The following SLC45A1 variants were observed in gnomAD, a reference collection of about 807,000 sequenced individuals.
SLC45A1 encodes the protein solute carrier family 45 member 1, also known as proton-associated sugar transporter A.
SLC45A1 carries 28 observed loss-of-function variants against 57.6 expected under a neutral mutation model. The observed-to-expected ratio is 0.49, with a 90% confidence interval of 0.36 to 0.67. The LOEUF is 0.67. Ranked by LOEUF, SLC45A1 falls within the 30% of genes least tolerant of loss-of-function variation. SLC45A1 has a pLI of 0.00. For synonymous variants in SLC45A1, 459 were observed against 471.5 expected (o/e 0.97, Z 0.34); for missense variants, 814 against 1,041.5 (o/e 0.78, Z 3.01).
intron 5 of SLC45A1, 68 bp downstream of exon 5, chr1:8,331,004 T>G: frequency 6.7e-7 from 1 of 1,499,780 alleles, no homozygotes; most frequent in Non-Finnish European, 8.9e-7. Context: ...GTCAGTTACA[T>G]GACAAAGAGG....
At chr1:8,342,128 A>AC (rs1640843673) in intron 8 of SLC45A1, among the ~76,000 whole-genome samples, 1 of 151,978 alleles carries the variant, frequency 6.6e-6, no homozygotes, top group African/African-American at 2.4e-5. Context: ...AATGGCGTGA[A>AC]CCCGGGAGGC....
intron 2 of SLC45A1, among the ~76,000 whole-genome samples, chr1:8,324,944 G>A (rs72635798): frequency 0.14 from 21,337 of 152,134 alleles, 1,797 homozygotes; most frequent in South Asian, 0.29. Context: ...GCAGCTCCCC[G>A]AGGGCTGACA....
Position 8,343,095 on chromosome 1 carries a change from C to T in SLC45A1, c.1981-652C>T, listed in dbSNP as rs72636907. 0.091 allele frequency among the ~76,000 whole-genome samples: 13,799 copies of T among 152,158 alleles called. 865 individuals are homozygous for T. The highest frequency in any genetic ancestry group is 0.15 in the South Asian group (745 of 4,822). ...CACAGCCCTTCTGATGGGGGGAAGC[C>T]GCAGGGGAGGCCCAGGCTCCCAGGT... On this transcript the variant is annotated intron_variant, in intron 8 of 8. Coordinates refer to ENST00000471889, the MANE Select transcript of SLC45A1 (RefSeq NM_001080397.3). The surrounding 1 kb of genome is among the most constrained non-coding windows in gnomAD (Gnocchi z 7.7).
intron 1 of SLC45A1, among the ~76,000 whole-genome samples, chr1:8,321,009 A>C (rs1639996192): frequency 6.6e-6 from 1 of 151,806 alleles, no homozygotes; most frequent in South Asian, 2.1e-4. Context: ...CTCGCCTCTG[A>C]CTCTGAAGGA....
Position 8,325,804 on chromosome 1 carries a change from TTC to T in SLC45A1, c.491-10_491-9del. ...CTGCATTTTCTTGGGGTGACTTTGT[TTC>T]TCTGTGTCCAGGGGCACTGCTGGGC... On this transcript the variant is annotated splice_polypyrimidine_tract_variant and intron_variant, in intron 3 of 8. Coordinates refer to ENST00000471889, the MANE Select transcript of SLC45A1 (RefSeq NM_001080397.3). The surrounding 1 kb of genome is among the most constrained non-coding windows in gnomAD (Gnocchi z 6.3). 1.2e-6 allele frequency: 2 copies of T among 1,610,472 alleles called. No homozygotes were observed. Among genetic ancestry groups the T allele is most frequent in the Non-Finnish European group, 1.7e-6 (2 of 1,179,342 alleles).
In SLC45A1 at chr1:8,330,321, C is replaced by T. The variant is rs1412770653; in HGVS notation, c.828C>T (p.Thr276=). The T allele has an allele frequency of 1.2e-6, 2 of 1,613,514 alleles. No homozygotes were observed. The highest frequency in any genetic ancestry group is 1.3e-5 in the African/African-American group (1 of 74,866). Residue 276 remains threonine (T), a synonymous_variant, in exon 5 of 9, where the codon ACC becomes ACT. Coordinates refer to ENST00000471889, the MANE Select transcript of SLC45A1 (RefSeq NM_001080397.3). This position sits in a 1 kb window ranked among gnomAD's most constrained non-coding sequence, Gnocchi z 8.4. ...TCATTTACCTCTTCACTGCGGTCAC[C>T]CTGAGCGTCACCACCGTCCTGACCC... ...LRVIYLFTAV[T]LSVTTVLTLV... is the part of the protein sequence containing the mutation.
intron 1 of SLC45A1, among the ~76,000 whole-genome samples, chr1:8,319,631 T>C (rs183037264): frequency 6.6e-6 from 1 of 152,360 alleles, no homozygotes. Flanking sequence ...CGAATGTTTG[T>C]ATTTGTGCAT....
rs1204449631 is a variant in SLC45A1, at chr1:8,328,998, G to T, written c.716-1211G>T. On this transcript the variant is annotated intron_variant, in intron 4 of 8. Transcript: ENST00000471889. This position sits in a 1 kb window ranked among gnomAD's most constrained non-coding sequence, Gnocchi z 4.6. ...AATAAAATGCCTGGGAGGGCAGTGG[G>T]GAGGCAAAAAGACTCCCAAGTCTAG... 6.6e-6 allele frequency among the ~76,000 whole-genome samples: 1 copy of T among 152,136 alleles called. No individual in the cohort carries two copies. Among genetic ancestry groups the T allele is most frequent in the Non-Finnish European group, 1.5e-5 (1 of 68,020 alleles).
At chr1:8,322,013 G>GGATA (rs1640025658) in intron 1 of SLC45A1, among the ~76,000 whole-genome samples, 1 of 71,902 alleles carries the variant, frequency 1.4e-5, no homozygotes, top group African/African-American at 5.7e-5. Context: ...ATGGATGGAT[G>GGATA]GATGGATGGA....
chr1:8,322,169 G>A (rs201063439), intron 1 of SLC45A1, among the ~76,000 whole-genome samples: 1 of 143,736 alleles, frequency 7.0e-6, no homozygotes. Context: ...TTACATGGAT[G>A]GATGGGTGGG....
Position 8,339,644 on chromosome 1 carries a change from C to T in SLC45A1, c.1926C>T (p.Ser642=). 2 of 1,614,262 alleles carry T rather than the reference C, an allele frequency of 1.2e-6. No homozygotes were observed. Among genetic ancestry groups the T allele is most frequent in the Non-Finnish European group, 1.7e-6 (2 of 1,180,048 alleles). Residue 642 remains serine, a synonymous_variant, in exon 8 of 9, where the codon TCC becomes TCT. Transcript: ENST00000471889. Reference sequence around the variant, plus strand: ...GCATAACCTACGGGATTTTATTTTCCACCCTGTGCACCTTGCCTTACTCGC... The same window carrying T: ...GCATAACCTACGGGATTTTATTTTCTACCCTGTGCACCTTGCCTTACTCGC... ...SLCITYGILF[S]TLCTLPYSLL...
In SLC45A1 at chr1:8,325,947, C is replaced by T. The variant is rs147535403; in HGVS notation, c.620C>T (p.Ala207Val). 177 of 1,613,478 alleles carry T rather than the reference C, an allele frequency of 1.1e-4. 1 individual carries two copies. The highest frequency in any genetic ancestry group is 1.4e-4 in the Non-Finnish European group (171 of 1,180,034). The change falls in exon 4 of 9, where the codon GCC (alanine) becomes GTC (valine). Residue 207 changes from alanine (A) to valine (V), a missense_variant. By Grantham distance (64) the Ala-to-Val change is moderately conservative (BLOSUM62 0). Coordinates refer to ENST00000471889, the MANE Select transcript of SLC45A1 (RefSeq NM_001080397.3). The surrounding 1 kb of genome is among the most constrained non-coding windows in gnomAD (Gnocchi z 6.3). ...VCGVVLMDFS[A>V]DSADNPSHAY... is the part of the protein sequence containing the mutation. ...GGTGTGGTGCTGATGGACTTTAGCG[C>T]CGACTCGGCGGACAACCCCAGCCAC...
At chr1:8,318,704 A>ACAAT in intron 1 of SLC45A1, among the ~76,000 whole-genome samples, 1 of 152,304 alleles carries the variant, frequency 6.6e-6, no homozygotes, top group African/African-American at 2.4e-5. Flanking sequence ...TCTGCCCTCG[A>ACAAT]CAATCAGCAA....
rs759399480 is a variant in SLC45A1, at chr1:8,343,705, G to A, written c.1981-42G>A. ...CACCGAGCTCGGTCACCCCGTGCTG[G>A]CCGCGGCGTGTCTCGCTGACACGTT... On this transcript the variant is annotated intron_variant, in intron 8 of 8. Transcript: ENST00000471889. This position sits in a 1 kb window ranked among gnomAD's most constrained non-coding sequence, Gnocchi z 7.7. 12 of 1,578,074 alleles carry A rather than the reference G, an allele frequency of 7.6e-6. No homozygotes were observed. The highest frequency in any genetic ancestry group is 1.1e-5 in the South Asian group (1 of 87,586).
rs867201692 is a variant in SLC45A1 at position 8,318,146 on chromosome 1, A to G, written c.-65A>G. On this transcript the variant is annotated 5_prime_UTR_variant, in exon 1 of 9. Coordinates refer to ENST00000471889, the MANE Select transcript of SLC45A1 (RefSeq NM_001080397.3). ...CCGGGACCGCGGCCGGGCAGGCAGC[A>G]GCCCAGCGGGGACAGGGATGCCTGC... The G allele has an allele frequency of 3.5e-5, 16 of 452,954 alleles. No individual in the cohort carries two copies. The highest frequency in any genetic ancestry group is 3.1e-4 in the African/African-American group (15 of 48,984). 28.1% of individuals were successfully genotyped at this position (452,954 alleles called of 1,614,324 possible).
Position 8,339,514 on chromosome 1 carries a change from A to G in SLC45A1, c.1796A>G (p.Glu599Gly). Reference protein sequence around the residue: ...FYSAILEKLEEFLSVRTLYFI... With the variant: ...FYSAILEKLEGFLSVRTLYFI... ...GCAGCTATCCTGGAGAAGCTGGAGGAGTTCCTCAGCGTCCGCACCCTCTAC... is the reference window on the plus strand; with the variant it reads ...GCAGCTATCCTGGAGAAGCTGGAGGGGTTCCTCAGCGTCCGCACCCTCTAC... The change falls in exon 8 of 9, where the codon GAG (glutamate) becomes GGG (glycine). Residue 599 changes from glutamate (E) to glycine (G), a missense_variant. By Grantham distance (98) the Glu-to-Gly change is moderately conservative. Transcript: ENST00000471889. 6.2e-7 allele frequency: 1 copy of G among 1,614,084 alleles called. No individual in the cohort carries two copies. Among genetic ancestry groups the G allele is most frequent in the Non-Finnish European group, 8.5e-7 (1 of 1,180,002 alleles).
intron 8 of SLC45A1, among the ~76,000 whole-genome samples, chr1:8,342,332 G>A (rs1407105558): frequency 2.6e-5 from 4 of 152,306 alleles, no homozygotes; most frequent in South Asian, 4.1e-4. Flanking sequence ...ACCGTTCGGC[G>A]GTTTCAGCAC....
At chr1:8,332,919 A>G (rs1640460542) in intron 5 of SLC45A1, among the ~76,000 whole-genome samples, 1 of 152,204 alleles carries the variant, frequency 6.6e-6, no homozygotes, top group Non-Finnish European at 1.5e-5. Flanking sequence ...TATTTCAGTA[A>G]GAACGTGGTG....
In SLC45A1 at chr1:8,330,569, C is replaced by G. The variant is rs372616601; in HGVS notation, c.1076C>G (p.Thr359Arg). Residue 359 changes from threonine to arginine, a missense_variant, in exon 5 of 9, where the codon ACG becomes AGG. Thr to Arg is a moderately conservative substitution (Grantham distance 71, BLOSUM62 -1). Coordinates refer to ENST00000471889, the MANE Select transcript of SLC45A1 (RefSeq NM_001080397.3). This position sits in a 1 kb window ranked among gnomAD's most constrained non-coding sequence, Gnocchi z 8.4. The stretch of plus-strand genomic sequence containing the variant: ...TTCATCAGCAGGGACAGCTCCCTGA[C>G]GGGCATCAGCGAGTTCGCCTCATCC... ...GSFISRDSSL[T>R]GISEFASSFG... is the part of the protein sequence containing the mutation. The G allele has an allele frequency of 6.2e-7, 1 of 1,613,432 alleles. No individual in the cohort carries two copies. Among genetic ancestry groups the G allele is most frequent in the East Asian group, 2.2e-5 (1 of 44,876 alleles).
Sources: gnomAD v4.1 joint callset for allele counts (sites outside exome capture counted in the v4.1 genomes callset) on GRCh38, gnomAD v4.1.1 for gene constraint, Gnocchi (gnomAD v3.1) non-coding constraint, MANE v1.5 for transcripts, NCBI Gene and HGNC (gene_info 2026-07-23, HGNC 2026-07-21) for gene names.